Variants in PTK6 observed in about 807,000 individuals in gnomAD.
The protein encoded by PTK6 is protein-tyrosine kinase 6.
Under a neutral mutation model 47.5 loss-of-function variants are expected in PTK6, and 47 were observed. The ratio of observed to expected loss-of-function variants is 0.99; its 90% confidence interval spans 0.78 to 1.26. The LOEUF is 1.26. Among genes scored for constraint, PTK6 ranks in the 50% most tolerant of loss-of-function variants. PTK6 has a pLI of 0.00. For synonymous variants in PTK6, 287 were observed against 276.5 expected (o/e 1.04, Z -0.38); for missense variants, 618 against 625.3 (o/e 0.99, Z 0.12).
rs1389517479 is a variant in PTK6 at position 63,530,341 on chromosome 20, C to T, written c.1015-110G>A. The T allele has an allele frequency of 2.1e-6, 3 of 1,412,676 alleles. No individual in the cohort carries two copies. The highest frequency in any genetic ancestry group is 1.9e-6 in the Non-Finnish European group (2 of 1,029,246). The allele number at this position is 1,412,676 out of a possible 1,614,324, so 87.5% of individuals were successfully genotyped here. On this transcript the variant is annotated intron_variant, in intron 6 of 7. Transcript: ENST00000542869. The surrounding 1 kb of genome is among the most constrained non-coding windows in gnomAD (Gnocchi z 4.1). ...CCCCAGCAGTGGGACGGTGATGACC[C>T]CACTGTCTGACCCACGCACGGCCGC...
chr20:63,535,811 G>A (rs1244346216), intron 1 of PTK6, among the ~76,000 whole-genome samples: 2 of 20,852 alleles, frequency 9.6e-5, no homozygotes, highest in African/African-American at 4.6e-4. Flanking sequence ...CTGGCCTCCC[G>A]CCCCCTCCTC....
In PTK6 at chr20:63,530,231, C is replaced by T. The variant is rs182578992; in HGVS notation, c.1015G>A (p.Glu339Lys). 6.2e-7 allele frequency: 1 copy of T among 1,613,826 alleles called. No homozygotes were observed. Among genetic ancestry groups the T allele is most frequent in the Non-Finnish European group, 8.5e-7 (1 of 1,179,896 alleles). Residue 339 changes from glutamate to lysine, a missense_variant and splice_region_variant, in exon 7 of 8, where the codon GAG becomes AAG. Physicochemically the swap from Glu to Lys is moderately conservative, Grantham distance 56. Transcript: ENST00000542869. This position sits in a 1 kb window ranked among gnomAD's most constrained non-coding sequence, Gnocchi z 4.1. The part of the protein sequence containing the change: ...GDFGLARLIK[E>K]DVYLSHDHNI... ...TGGTCATGGGAGAGGTAGACGTCCTCCTGCAATCAGCCTGGAGCTGAGTGG... is the reference window on the plus strand; with the variant it reads ...TGGTCATGGGAGAGGTAGACGTCCTTCTGCAATCAGCCTGGAGCTGAGTGG...
At chr20:63,531,313 C>A (rs978757149) in intron 5 of PTK6, among the ~76,000 whole-genome samples, 1 of 148,576 alleles carries the variant, frequency 6.7e-6, no homozygotes, top group Non-Finnish European at 1.5e-5. Context: ...CCCAGCTACT[C>A]GGGAGGCTGA....
In PTK6 at chr20:63,534,201, C is replaced by T; in HGVS notation, c.467G>A (p.Arg156Lys). The T allele has an allele frequency of 1.3e-6, 2 of 1,580,848 alleles. No homozygotes were observed. Among genetic ancestry groups the T allele is most frequent in the South Asian group, 1.2e-5 (1 of 86,586 alleles). ...CAGGCCGTGGGACAGGCTCTGGGCC[C>T]TGTGGTAGTTCACAAGCTCGGGCAG... ...LSLPELVNYH[R>K]AQSLSHGLRL... Residue 156 changes from arginine (R) to lysine (K), a missense_variant, in exon 3 of 8, where the codon AGG (arginine) becomes AAG (lysine). Transcript: ENST00000542869.
intron 1 of PTK6, 99 bp downstream of exon 1, chr20:63,536,986 C>T: frequency 7.6e-7 from 1 of 1,319,564 alleles, no homozygotes; most frequent in Non-Finnish European, 1.0e-6. Context: ...ACCGGGGTCC[C>T]CACCTTCTTG....
In PTK6 at chr20:63,533,840, G is replaced by T; in HGVS notation, c.517-136C>A. The stretch of plus-strand genomic sequence containing the variant: ...CTGGGTTGGGGGTTTCTGAGTGTCT[G>T]ACACAAGGGTGGACTCTCCTGGGGG... On this transcript the variant is annotated intron_variant, in intron 3 of 7. Transcript: ENST00000542869. This position sits in a 1 kb window ranked among gnomAD's most constrained non-coding sequence, Gnocchi z 4.0. 7.8e-7 allele frequency: 1 copy of T among 1,279,010 alleles called. No homozygotes were observed. The highest frequency in any genetic ancestry group is 1.1e-6 in the Non-Finnish European group (1 of 947,328). The allele number at this position is 1,279,010 out of a possible 1,614,324, so 79.2% of individuals were successfully genotyped here. A position where few individuals can be genotyped will look rare whatever the true frequency, so the allele number is the denominator to read the frequency against.
intron 2 of PTK6, 76 bp downstream of exon 2, chr20:63,534,862 G>T: frequency 6.6e-7 from 1 of 1,506,388 alleles, no homozygotes; most frequent in African/African-American, 1.4e-5. Flanking sequence ...AGCGAGCCGG[G>T]TTCACCACGT....
chr20:63,537,214 A>C lies in PTK6; in HGVS notation c.101T>G (p.Val34Gly). 1 of 1,612,362 alleles carries C rather than the reference A, an allele frequency of 6.2e-7. No homozygotes were observed. Among genetic ancestry groups the C allele is most frequent in the Non-Finnish European group, 8.5e-7 (1 of 1,179,818 alleles). ...CTCCTCCTTCCTGGCCACGTGGAAG[A>C]CGTCCCCCGCGCGGAAGCTCAGCTC... ...DEELSFRAGD[V>G]FHVARKEEQW... The change falls in exon 1 of 8, where the codon GTC becomes GGC. Residue 34 changes from valine to glycine, a missense_variant. Physicochemically the swap from Val to Gly is moderately radical, Grantham distance 109. Coordinates refer to ENST00000542869, the MANE Select transcript of PTK6 (RefSeq NM_005975.4).
rs548914226 is a variant in PTK6 at position 63,528,117 on chromosome 20, C to G, written c.*1419G>C. 1 of 152,138 alleles carries G rather than the reference C, an allele frequency of 6.6e-6. No individual in the cohort carries two copies. Among genetic ancestry groups the G allele is most frequent in the East Asian group, 1.9e-4 (1 of 5,206 alleles). The allele number at this position is 152,138 out of a possible 1,614,324, so 9.4% of individuals were successfully genotyped here. ...CAAAATTATGACTGATAACATTGCA[C>G]CAGATTTCTAGGAATAGCATGTGAG... is the stretch of plus-strand genomic sequence containing the variant. On this transcript the variant is annotated 3_prime_UTR_variant, in exon 8 of 8. Coordinates refer to ENST00000542869, the MANE Select transcript of PTK6 (RefSeq NM_005975.4).
At chr20:63,532,136 T>TCTGGGTCA (rs796218551) in intron 5 of PTK6, among the ~76,000 whole-genome samples, 1 of 151,038 alleles carries the variant, frequency 6.6e-6, no homozygotes, top group African/African-American at 2.5e-5. Context: ...TGTGTGTCTG[T>TCTGGGTCA]GTGTGTGTCT....
In PTK6 at chr20:63,530,640, G is replaced by A; in HGVS notation, c.1014+106C>T. The A allele has an allele frequency of 3.6e-6, 5 of 1,370,300 alleles. No homozygotes were observed. The South Asian group carries it at 6.7e-5, about 18-fold the overall frequency. 84.9% of individuals were successfully genotyped at this position (1,370,300 alleles called of 1,614,324 possible). On this transcript the variant is annotated intron_variant, in intron 6 of 7. Transcript: ENST00000542869. The surrounding 1 kb of genome is among the most constrained non-coding windows in gnomAD (Gnocchi z 4.1). ...CCAGCCTGGGCTCCCGAGGGCAGGG[G>A]CCGCATCCTGCTCCCAGCCGAGTCC... is the stretch of plus-strand genomic sequence containing the variant.
Position 63,537,206 on chromosome 20 carries a change from C to A in PTK6, c.109G>T (p.Val37Leu). 6.2e-7 allele frequency: 1 copy of A among 1,612,352 alleles called. No individual in the cohort carries two copies. The highest frequency in any genetic ancestry group is 1.3e-5 in the African/African-American group (1 of 75,064). ...CACCACTGCTCCTCCTTCCTGGCCA[C>A]GTGGAAGACGTCCCCCGCGCGGAAG... ...LSFRAGDVFH[V>L]ARKEEQWWWA... The change falls in exon 1 of 8, where the codon GTG becomes TTG. Residue 37 changes from valine to leucine, a missense_variant. Val to Leu is a conservative substitution (Grantham distance 32). Coordinates refer to ENST00000542869, the MANE Select transcript of PTK6 (RefSeq NM_005975.4).
intron 2 of PTK6, 41 bp downstream of exon 2, chr20:63,534,897 G>C: frequency 6.4e-7 from 1 of 1,562,272 alleles, no homozygotes; most frequent in Non-Finnish European, 8.7e-7. Context: ...AGAGCCAGGA[G>C]CCCCCGCAGG....
In PTK6 at chr20:63,536,978, C is replaced by G. The variant is rs867584427; in HGVS notation, c.230+107G>C. 1.7e-5 allele frequency: 20 copies of G among 1,209,470 alleles called. No homozygotes were observed. The South Asian group carries it at 1.8e-4, about 11-fold the overall frequency. The allele number at this position is 1,209,470 out of a possible 1,614,324, so 74.9% of individuals were successfully genotyped here. Reference sequence around the variant, plus strand: ...ACTTTGGGGTGCAGGAAGATGGAACCGGGGTCCCCACCTTCTTGGGCCTCC... The same window carrying G: ...ACTTTGGGGTGCAGGAAGATGGAACGGGGGTCCCCACCTTCTTGGGCCTCC... On this transcript the variant is annotated intron_variant, in intron 1 of 7. Coordinates refer to ENST00000542869, the MANE Select transcript of PTK6 (RefSeq NM_005975.4).
Position 63,530,816 on chromosome 20 carries a change from G to A in PTK6, c.944C>T (p.Ala315Val). ...SQNYIHRDLAARNILVGENTL... is the reference protein window; with the variant it reads ...SQNYIHRDLAVRNILVGENTL... ...GTTTTCCCCGACGAGGATGTTCCTG[G>A]CGGCCAGGTCCCGGTGGATGTAATT... The change falls in exon 6 of 8, where the codon GCC becomes GTC. Residue 315 changes from alanine (A) to valine (V), a missense_variant. Coordinates refer to ENST00000542869, the MANE Select transcript of PTK6 (RefSeq NM_005975.4). This position sits in a 1 kb window ranked among gnomAD's most constrained non-coding sequence, Gnocchi z 4.1. 1.2e-6 allele frequency: 2 copies of A among 1,614,112 alleles called. No individual in the cohort carries two copies. Among genetic ancestry groups the A allele is most frequent in the Non-Finnish European group, 1.7e-6 (2 of 1,180,006 alleles).
Position 63,533,515 on chromosome 20 carries a change from C to T in PTK6, c.670+36G>A, listed in dbSNP as rs113862030. 38,634 of 1,547,270 alleles carry T rather than the reference C, an allele frequency of 0.025. 567 individuals are homozygous for T. The highest frequency in any genetic ancestry group is 0.027 in the Non-Finnish European group (30,993 of 1,142,240). ...GTGGGAGGGTGGCCCAGGGCAGGCA[C>T]GGGGCCACACAGAGCCCTGATCGGG... On this transcript the variant is annotated intron_variant, in intron 4 of 7. Transcript: ENST00000542869. This position sits in a 1 kb window ranked among gnomAD's most constrained non-coding sequence, Gnocchi z 4.0.
Position 63,534,427 on chromosome 20 carries a change from G to A in PTK6, c.353-112C>T, listed in dbSNP as rs547744753. ...TTTCTGGGTCCCCACAGTTGCTGTT[G>A]GTGCTTCCTCAGTACCACCCCTGCC... On this transcript the variant is annotated intron_variant, in intron 2 of 7. Coordinates refer to ENST00000542869, the MANE Select transcript of PTK6 (RefSeq NM_005975.4). 7.9e-5 allele frequency: 107 copies of A among 1,362,592 alleles called. No individual in the cohort carries two copies. The African/African-American group carries it at 1.4e-3, about 18-fold the overall frequency. 84.4% of individuals were successfully genotyped at this position (1,362,592 alleles called of 1,614,324 possible). A position where few individuals can be genotyped will look rare whatever the true frequency, so the allele number is the denominator to read the frequency against.
rs1292629496 is a variant in PTK6, at chr20:63,530,487, GA to G, written c.1015-257del. Among the ~76,000 whole-genome samples the G allele has an allele frequency of 6.6e-6, 1 of 152,196 alleles. No individual in the cohort carries two copies. The highest frequency in any genetic ancestry group is 2.4e-5 in the African/African-American group (1 of 41,454). On this transcript the variant is annotated intron_variant, in intron 6 of 7. Coordinates refer to ENST00000542869, the MANE Select transcript of PTK6 (RefSeq NM_005975.4). The surrounding 1 kb of genome is among the most constrained non-coding windows in gnomAD (Gnocchi z 4.1). The stretch of plus-strand genomic sequence containing the variant: ...GAACTGGGAGGCTCCCAGGCCGTCA[GA>G]GGGGCCCAGGGCTGGGCCAGTGAAC...
In PTK6 at chr20:63,533,373, T is replaced by C. The variant is rs34343167; in HGVS notation, c.670+178A>G. 5.5e-4 allele frequency among the ~76,000 whole-genome samples: 83 copies of C among 152,122 alleles called. No homozygotes were observed. Among genetic ancestry groups the C allele is most frequent in the Non-Finnish European group, 1.1e-3 (78 of 68,022 alleles). On this transcript the variant is annotated intron_variant, in intron 4 of 7. Transcript: ENST00000542869. This position sits in a 1 kb window ranked among gnomAD's most constrained non-coding sequence, Gnocchi z 4.0. ...GAGCCACCGTGCCCGGCCTAAAATT[T>C]TCTTTTATAATAAATGTATTTAGGT...
Sources: allele counts gnomAD v4.1 joint callset (sites outside exome capture counted in the v4.1 genomes callset), GRCh38; gene constraint gnomAD v4.1.1; non-coding constraint Gnocchi (gnomAD v3.1); transcripts MANE v1.5; gene names NCBI Gene and HGNC (gene_info 2026-07-23, HGNC 2026-07-21).